TTC17: variants seen among roughly 807,000 people sequenced by gnomAD.
TTC17 encodes the protein tetratricopeptide repeat protein 17.
Under a neutral mutation model 143.8 loss-of-function variants are expected in TTC17, and 58 were observed. The observed-to-expected ratio is 0.40, with a 90% CI of 0.33 to 0.50. The LOEUF is 0.50. TTC17 is among the 20% of genes least tolerant of loss of function. TTC17 has a pLI of 0.49. For synonymous variants in TTC17, 501 were observed against 497.8 expected (o/e 1.01, Z -0.09); for missense variants, 1,273 against 1,392.5 (o/e 0.91, Z 1.37).
At chr11:43,360,859 T>C (rs892437690) in intron 1 of TTC17, among the ~76,000 whole-genome samples, 1 of 152,202 alleles carries the variant, frequency 6.6e-6, no homozygotes, top group Non-Finnish European at 1.5e-5. Context: ...ACTGCTGAGC[T>C]AAGTAATTAG....
At chr11:43,387,123 A>G (rs563232360) in intron 2 of TTC17, among the ~76,000 whole-genome samples, 3 of 152,268 alleles carry the variant, frequency 2.0e-5, no homozygotes, top group South Asian at 2.1e-4. Flanking sequence ...TATTGGGGGG[A>G]AAAAATAAGC....
chr11:43,384,066 G>A (rs1857078114), intron 2 of TTC17, among the ~76,000 whole-genome samples: 1 of 151,632 alleles, frequency 6.6e-6, no homozygotes, highest in Non-Finnish European at 1.5e-5. Context: ...AATTGCATGA[G>A]CCCAGATGTT....
At position 43,408,471 on chromosome 11, in the gene TTC17, A is replaced by G. The variant is rs182687152; in HGVS notation, c.2064+894A>G. ...ATTTATCTAGTGCTTACTGTGTACCAGGTGCTGGTACAGTGGGAACAGATG... is the reference window on the plus strand; with the variant it reads ...ATTTATCTAGTGCTTACTGTGTACCGGGTGCTGGTACAGTGGGAACAGATG... On this transcript the variant is annotated intron_variant, in intron 15 of 23. Transcript: ENST00000039989. Among the ~76,000 whole-genome samples the G allele has an allele frequency of 1.9e-3, 290 of 152,326 alleles. 1 individual carries two copies. The highest frequency in any genetic ancestry group is 5.7e-4 in the Non-Finnish European group (39 of 68,026).
intron 16 of TTC17, among the ~76,000 whole-genome samples, chr11:43,442,203 A>G (rs1024145969): frequency 6.6e-6 from 1 of 152,218 alleles, no homozygotes; most frequent in Admixed American, 6.5e-5. Context: ...GAAATACAGT[A>G]TTATAATTTT....
intron 16 of TTC17, among the ~76,000 whole-genome samples, chr11:43,417,031 A>T (rs974726796): frequency 6.6e-6 from 1 of 152,200 alleles, no homozygotes; most frequent in African/African-American, 2.4e-5. Flanking sequence ...TATGTATGCT[A>T]TAGCATTTTC....
intron 8 of TTC17, among the ~76,000 whole-genome samples, chr11:43,399,030 G>C (rs991753883): frequency 6.6e-6 from 1 of 152,172 alleles, no homozygotes; most frequent in African/African-American, 2.4e-5. Context: ...GTAATAGGCA[G>C]TATGGGTTTT....
intron 1 of TTC17, among the ~76,000 whole-genome samples, chr11:43,377,380 G>GGCA (rs1856802165): frequency 3.9e-5 from 6 of 152,170 alleles, no homozygotes; most frequent in Admixed American, 3.9e-4. Context: ...GCATATAACT[G>GGCA]TATTTACAAA....
rs923347522 is a variant in TTC17, at chr11:43,451,219, A to G, written c.2984A>G (p.Gln995Arg). The change falls in exon 21 of 24, where the codon CAG (glutamine) becomes CGG (arginine). Residue 995 changes from glutamine to arginine, a missense_variant. This residue lies in a region of TTC17 where 878 missense variants were observed against 899.8 expected (regional missense o/e 0.98). Transcript: ENST00000039989. ...CTCGGCAAAGACCAATATCCACAAC[A>G]GTCGCTTGAACAGATTGGCACCCGA... ...QNLGKDQYPQQSLEQIGTRIA... is the reference protein window; with the variant it reads ...QNLGKDQYPQRSLEQIGTRIA... 2.5e-6 allele frequency: 4 copies of G among 1,613,966 alleles called. No homozygotes were observed. Among genetic ancestry groups the G allele is most frequent in the Non-Finnish European group, 3.4e-6 (4 of 1,179,834 alleles).
At chr11:43,475,860 T>C (rs958082470) in intron 21 of TTC17, among the ~76,000 whole-genome samples, 1 of 152,200 alleles carries the variant, frequency 6.6e-6, no homozygotes, top group African/African-American at 2.4e-5. Context: ...TCTAAGTGTA[T>C]GTATTGTGAA....
Position 43,385,889 on chromosome 11 carries a change from C to T in TTC17, c.250-3763C>T, listed in dbSNP as rs563466439. On this transcript the variant is annotated intron_variant, in intron 2 of 23. Coordinates refer to ENST00000039989, the MANE Select transcript of TTC17 (RefSeq NM_018259.6). ...CAGTATTGTTTATTTAAAAAATAAA[C>T]CAAACTCTAGCAGCAAGGCTTACCA... 2.2e-4 allele frequency among the ~76,000 whole-genome samples: 33 copies of T among 151,082 alleles called. 1 individual carries two copies. The South Asian group carries it at 6.7e-3, about 31-fold the overall frequency.
chr11:43,395,312 G>A (rs1050778604), intron 5 of TTC17: 1 of 152,046 alleles, frequency 6.6e-6, no homozygotes, highest in Non-Finnish European at 1.5e-5. Context: ...ATGTTAGCCA[G>A]GATGGTCTCG....
chr11:43,391,631 T>A, intron 4 of TTC17, 55 bp downstream of exon 4: 1 of 1,287,268 alleles, frequency 7.8e-7, no homozygotes, highest in Non-Finnish European at 1.1e-6. Context: ...TTCTTTCAGT[T>A]GGTCTCTCAC....
intron 2 of TTC17, 88 bp from the exon 3 acceptor site, chr11:43,389,564 T>G: frequency 7.4e-7 from 1 of 1,352,230 alleles, no homozygotes; most frequent in Middle Eastern, 2.0e-4. Flanking sequence ...GATTCTGACT[T>G]CTTCAGCTCA....
chr11:43,440,595 T>C (rs1314355398), intron 16 of TTC17, among the ~76,000 whole-genome samples: 2 of 152,234 alleles, frequency 1.3e-5, no homozygotes, highest in Non-Finnish European at 2.9e-5. Context: ...GTAACTCTTA[T>C]AAAGATTATT....
At chr11:43,434,168 GACACACACACAC>G (rs55913890) in intron 16 of TTC17, among the ~76,000 whole-genome samples, 11,242 of 125,238 alleles carry the variant, frequency 0.09, 544 homozygotes, top group South Asian at 0.12. Context: ...CATGGGCGGG[GACACACACACAC>G]ACACACACAC....
At chr11:43,450,367 C>A in intron 20 of TTC17, 126 bp downstream of exon 20, 1 of 1,169,418 alleles carries the variant, frequency 8.6e-7, no homozygotes, top group Non-Finnish European at 1.1e-6. Context: ...AGTTAGGCAT[C>A]ACCTAGGTGG....
chr11:43,438,340 G>C (rs1009573416), intron 16 of TTC17, among the ~76,000 whole-genome samples: 1 of 152,126 alleles, frequency 6.6e-6, no homozygotes, highest in African/African-American at 2.4e-5. Context: ...TTGTATTTTA[G>C]TGCAGATGGG....
intron 21 of TTC17, among the ~76,000 whole-genome samples, chr11:43,475,821 T>C (rs1948174569): frequency 6.6e-6 from 1 of 152,224 alleles, no homozygotes. Context: ...ATAATGTTGT[T>C]AATGATATTG....
chr11:43,394,624 G>A (rs544696785), intron 5 of TTC17, among the ~76,000 whole-genome samples: 3 of 152,250 alleles, frequency 2.0e-5, no homozygotes, highest in South Asian at 2.1e-4. Context: ...GAGAGGGTTG[G>A]GGTGGGAGAA....
Sources: allele counts gnomAD v4.1 joint callset (sites outside exome capture counted in the v4.1 genomes callset), GRCh38; gene constraint gnomAD v4.1.1; regional missense constraint gnomAD v4.1.1; transcripts MANE v1.5; gene names NCBI Gene and HGNC (gene_info 2026-07-23, HGNC 2026-07-21).